Variants in PCDHA7 observed in about 807,000 individuals in gnomAD.
The protein encoded by PCDHA7 is protocadherin alpha 7, also known as protocadherin alpha-7.
Under a neutral mutation model 57.2 loss-of-function variants are expected in PCDHA7, and 37 were observed. That is an observed-to-expected ratio of 0.65 (90% CI 0.50 to 0.85). PCDHA7 has a LOEUF of 0.85. PCDHA7 is among the 40% of genes least tolerant of loss of function. The pLI is 0.00. For synonymous variants in PCDHA7, 553 were observed against 558.8 expected (o/e 0.99, Z 0.15); for missense variants, 1,188 against 1,241.8 (o/e 0.96, Z 0.65).
At chr5:140,872,878 C>G (rs1582101357) in intron 1 of PCDHA7, among the ~76,000 whole-genome samples, 1 of 152,160 alleles carries the variant, frequency 6.6e-6, no homozygotes, top group East Asian at 1.9e-4. Flanking sequence ...TTATCAGTTT[C>G]ATTCATCTCA....
At chr5:140,841,512 T>C in intron 1 of PCDHA7, 1 of 1,613,424 alleles carries the variant, frequency 6.2e-7, no homozygotes, top group East Asian at 2.2e-5. Flanking sequence ...CCGCGCCTGT[T>C]CCGGGTGGCG....
chr5:140,959,491 G>A (rs761208761), intron 1 of PCDHA7, among the ~76,000 whole-genome samples: 6 of 151,956 alleles, frequency 3.9e-5, no homozygotes, highest in Non-Finnish European at 7.4e-5. Context: ...TGTTATATAT[G>A]GATCAAACTA....
At chr5:140,973,062 G>GTC (rs1554234872) in intron 1 of PCDHA7, among the ~76,000 whole-genome samples, 1 of 152,138 alleles carries the variant, frequency 6.6e-6, no homozygotes, top group African/African-American at 2.4e-5. Context: ...GTCCAACAGT[G>GTC]TCTCAGTGGG....
intron 1 of PCDHA7, among the ~76,000 whole-genome samples, chr5:140,942,021 A>C (rs2093219800): frequency 6.6e-6 from 1 of 152,198 alleles, no homozygotes; most frequent in South Asian, 2.1e-4. Context: ...TTTTGGGAAA[A>C]AATAATTCAT....
chr5:140,929,058 A>G (rs372120484), intron 1 of PCDHA7: 2 of 1,614,072 alleles, frequency 1.2e-6, no homozygotes, highest in African/African-American at 2.7e-5. Context: ...GTCGCTCTAC[A>G]GAGGATCTGA....
Position 140,834,356 on chromosome 5 carries a change from G to A in PCDHA7, c.-28G>A. 1 of 1,542,744 alleles carries A rather than the reference G, an allele frequency of 6.5e-7. No homozygotes were observed. The highest frequency in any genetic ancestry group is 8.7e-7 in the Non-Finnish European group (1 of 1,145,048). ...TATAAATTCGAAGGCAAGTTTTGCT[G>A]ACTAGAAAAACAAGCCAATAATTTG... On this transcript the variant is annotated 5_prime_UTR_variant, in exon 1 of 4. Transcript: ENST00000525929.
In PCDHA7 at chr5:140,836,420, G is replaced by T; in HGVS notation, c.2037G>T (p.Ser679=). 1 of 1,613,810 alleles carries T rather than the reference G, an allele frequency of 6.2e-7. No individual in the cohort carries two copies. The change falls in exon 1 of 4, where the codon TCG becomes TCT. Residue 679 remains serine, a synonymous_variant. Transcript: ENST00000525929. Reference sequence around the variant, plus strand: ...AAAGCGGCCAGGCACCAAAGGCGTCGTCGCGGGCATCGTTGGGCATTGCAG... The same window carrying T: ...AAAGCGGCCAGGCACCAAAGGCGTCTTCGCGGGCATCGTTGGGCATTGCAG... The part of the protein sequence containing the change: ...LVESGQAPKA[S]SRASLGIAGP...
At chr5:140,968,152 C>A (rs782362724) in intron 1 of PCDHA7, 6 of 1,614,054 alleles carry the variant, frequency 3.7e-6, no homozygotes, top group Non-Finnish European at 1.7e-6. Flanking sequence ...TCTCTGACAT[C>A]AATGACAATC....
chr5:140,887,222 G>A (rs1406254180), intron 1 of PCDHA7, among the ~76,000 whole-genome samples: 1 of 151,284 alleles, frequency 6.6e-6, no homozygotes, highest in Non-Finnish European at 1.5e-5. Flanking sequence ...TCAGCCTCCC[G>A]AGTAGCTGAG....
chr5:140,872,347 C>T (rs556222685), intron 1 of PCDHA7, among the ~76,000 whole-genome samples: 44 of 152,200 alleles, frequency 2.9e-4, no homozygotes, highest in African/African-American at 1.0e-3. Context: ...CATGTTCTTG[C>T]CAGGCAAAGT....
intron 1 of PCDHA7, chr5:140,853,980 G>A: frequency 1.8e-6 from 1 of 544,346 alleles, no homozygotes; most frequent in Non-Finnish European, 2.4e-6. Flanking sequence ...TGAGACCAAT[G>A]TAGTGAGACT....
chr5:140,928,622 G>C, intron 1 of PCDHA7: 1 of 1,614,226 alleles, frequency 6.2e-7, no homozygotes, highest in South Asian at 1.1e-5. Flanking sequence ...GCCAGGACTG[G>C]ACACTTGGTC....
At chr5:140,925,146 A>G (rs1467973124) in intron 1 of PCDHA7, among the ~76,000 whole-genome samples, 5 of 151,742 alleles carry the variant, frequency 3.3e-5, no homozygotes, top group Admixed American at 3.3e-4. Flanking sequence ...AACATACACA[A>G]AAGTTGAGAG....
At chr5:140,901,207 T>C (rs894216497) in intron 1 of PCDHA7, among the ~76,000 whole-genome samples, 1 of 152,206 alleles carries the variant, frequency 6.6e-6, no homozygotes, top group Non-Finnish European at 1.5e-5. Context: ...AGAAGGTTTT[T>C]AAGTTGATGT....
intron 3 of PCDHA7, among the ~76,000 whole-genome samples, chr5:141,004,051 A>G (rs2098149842): frequency 6.6e-6 from 1 of 152,240 alleles, no homozygotes; most frequent in East Asian, 1.9e-4. Flanking sequence ...ATTTGCTGAT[A>G]CTGGCCCCTG....
At chr5:140,925,124 A>AGGAAGG (rs1554202565) in intron 1 of PCDHA7, among the ~76,000 whole-genome samples, 1 of 151,852 alleles carries the variant, frequency 6.6e-6, no homozygotes, top group South Asian at 2.1e-4. Context: ...GAAGGAAGGA[A>AGGAAGG]AAAAAATTTC....
chr5:140,890,836 C>A (rs1189670490), intron 1 of PCDHA7, among the ~76,000 whole-genome samples: 1 of 151,884 alleles, frequency 6.6e-6, no homozygotes, highest in Admixed American at 6.6e-5. Flanking sequence ...ACATATTTAC[C>A]AGTTTTGTTT....
chr5:140,994,072 G>T (rs1587604928), intron 3 of PCDHA7, among the ~76,000 whole-genome samples: 1 of 152,242 alleles, frequency 6.6e-6, no homozygotes, highest in East Asian at 1.9e-4. Flanking sequence ...TAATGGTGAA[G>T]GGAGAAATGT....
intron 1 of PCDHA7, chr5:140,870,474 C>G: frequency 6.2e-7 from 1 of 1,614,218 alleles, no homozygotes; most frequent in South Asian, 1.1e-5. Context: ...TCGCACAGCC[C>G]GAGTACACCG....
Sources: gnomAD v4.1 joint callset for allele counts (sites outside exome capture counted in the v4.1 genomes callset) on GRCh38, gnomAD v4.1.1 for gene constraint, MANE v1.5 for transcripts, NCBI Gene and HGNC (gene_info 2026-07-23, HGNC 2026-07-21) for gene names.